IPPK: variants seen among roughly 807,000 people sequenced by gnomAD.
IPPK encodes IPK1 homolog.
IPPK carries 22 observed loss-of-function variants against 64.6 expected under a neutral mutation model. The observed-to-expected ratio is 0.34, with a 90% CI of 0.24 to 0.49. The LOEUF (loss-of-function observed/expected upper bound fraction) is 0.49. IPPK is among the 20% of genes least tolerant of loss of function. The pLI, the probability that IPPK is intolerant of heterozygous loss-of-function variation, is 0.99. For missense variants in IPPK, 532 were observed against 630.7 expected (o/e 0.84, Z 1.68); for synonymous variants, 262 against 247.2 (o/e 1.06, Z -0.56).
At position 92,634,505 on chromosome 9, in the gene IPPK, A is replaced by G; in HGVS notation, c.1068-17T>C. 6.3e-7 allele frequency: 1 copy of G among 1,583,394 alleles called. No individual in the cohort carries two copies. Among genetic ancestry groups the G allele is most frequent in the East Asian group, 2.2e-5 (1 of 44,738 alleles). ...AAGGTTTTTCTGAAGAAGAAAGCAC[A>G]ATAAAAACAGGATGACAAAGCCGCA... On this transcript the variant is annotated splice_polypyrimidine_tract_variant and intron_variant, in intron 10 of 12. Transcript: ENST00000287996.
chr9:92,669,759 G>A, intron 1 of IPPK, 149 bp downstream of exon 1: 1 of 617,904 alleles, frequency 1.6e-6, no homozygotes, highest in Non-Finnish European at 2.9e-6. Context: ...GGATGCTGGA[G>A]GGTGGGGGAA....
chr9:92,619,873 T>A (rs1030908036), intron 11 of IPPK: 4 of 395,984 alleles, frequency 1.0e-5, no homozygotes, highest in Admixed American at 7.0e-5. Flanking sequence ...GTCACCACAG[T>A]CGGCCTTTGG....
intron 1 of IPPK, among the ~76,000 whole-genome samples, chr9:92,668,267 CTAAA>C (rs1376476967): frequency 6.6e-6 from 1 of 152,052 alleles, no homozygotes; most frequent in African/African-American, 2.4e-5. Context: ...GACCCCGTTT[CTAAA>C]TAAATAAATA....
chr9:92,652,663 T>A, intron 3 of IPPK, 24 bp from the exon 4 acceptor site: 1 of 1,378,252 alleles, frequency 7.3e-7, no homozygotes, highest in Non-Finnish European at 1.0e-6. Context: ...CATGAAATTC[T>A]CAGTGTGAAT....
At chr9:92,619,089 G>A (rs1311091015) in intron 12 of IPPK, 1 of 224,692 alleles carries the variant, frequency 4.5e-6, no homozygotes, top group Non-Finnish European at 8.9e-6. Flanking sequence ...GTGGTAAAAA[G>A]GCAGGTGCGC....
intron 8 of IPPK, among the ~76,000 whole-genome samples, chr9:92,639,554 T>C (rs1852008229): frequency 1.3e-5 from 2 of 152,162 alleles, no homozygotes; most frequent in South Asian, 4.1e-4. Flanking sequence ...CTCAGGACTT[T>C]TCCAAGCTGA....
intron 1 of IPPK, among the ~76,000 whole-genome samples, chr9:92,663,136 A>G (rs530797364): frequency 1.3e-4 from 20 of 152,394 alleles, no homozygotes; most frequent in Non-Finnish European, 2.4e-4. Flanking sequence ...GTTGTTAACT[A>G]CCCAATAAAG....
intron 11 of IPPK, among the ~76,000 whole-genome samples, chr9:92,632,120 C>G (rs891235991): frequency 1.3e-5 from 2 of 152,184 alleles, no homozygotes; most frequent in Non-Finnish European, 2.9e-5. Flanking sequence ...CTGGAGGTCA[C>G]CGTGGAAAGA....
chr9:92,616,955 CGAG>C (rs1182095484), intron 12 of IPPK: 1 of 152,162 alleles, frequency 6.6e-6, no homozygotes, highest in Non-Finnish European at 1.5e-5. Context: ...AAGCTCCTGC[CGAG>C]GAGAGGAAAT....
chr9:92,631,193 A>AT (rs61202690), intron 11 of IPPK, among the ~76,000 whole-genome samples: 2,385 of 131,226 alleles, frequency 0.018, 26 homozygotes, highest in African/African-American at 0.032. Flanking sequence ...ACACAGTTCA[A>AT]TTTTTTTTTT....
rs979187232 is a variant in IPPK, at chr9:92,635,302, T to C, written c.923A>G (p.Asn308Ser). ...FSRSLRCQGK[N>S]TPERSGLPKG... ...CGGTAACCCCGAGCGCTCTGGGGTG[T>C]TTTTTCCTACCGAGAACATCAGGGG... Residue 308 changes from asparagine (N) to serine (S), a missense_variant, in exon 10 of 13, where the codon AAC becomes AGC. Asn to Ser is a conservative substitution (Grantham distance 46, BLOSUM62 1). Coordinates refer to ENST00000287996, the MANE Select transcript of IPPK (RefSeq NM_022755.6). The surrounding 1 kb of genome is among the most constrained non-coding windows in gnomAD (Gnocchi z 4.4). 2 of 1,605,674 alleles carry C rather than the reference T, an allele frequency of 1.2e-6. No individual in the cohort carries two copies. Among genetic ancestry groups the C allele is most frequent in the Non-Finnish European group, 1.7e-6 (2 of 1,177,166 alleles).
At chr9:92,632,783 A>G (rs1851868588) in intron 11 of IPPK, among the ~76,000 whole-genome samples, 1 of 152,148 alleles carries the variant, frequency 6.6e-6, no homozygotes, top group South Asian at 2.1e-4. Context: ...TTCTCCTCAA[A>G]ACAGACAGCT....
At chr9:92,639,770 AAT>A (rs746527922) in intron 8 of IPPK, among the ~76,000 whole-genome samples, 7 of 152,214 alleles carry the variant, frequency 4.6e-5, no homozygotes, top group Non-Finnish European at 7.3e-5. Context: ...CTGCCTGTGA[AAT>A]ATGTCTTCCT....
intron 1 of IPPK, among the ~76,000 whole-genome samples, chr9:92,663,530 T>C (rs537067845): frequency 7.9e-5 from 12 of 152,374 alleles, no homozygotes; most frequent in African/African-American, 2.6e-4. Context: ...TGGAGAAATA[T>C]TGGATGTTTT....
At chr9:92,618,157 A>T (rs1469707109) in intron 12 of IPPK, 2 of 446,674 alleles carry the variant, frequency 4.5e-6, no homozygotes, top group East Asian at 7.0e-5. Flanking sequence ...CCCACACGCC[A>T]TGTTCTCGGA....
intron 3 of IPPK, among the ~76,000 whole-genome samples, chr9:92,654,471 T>C (rs958968521): frequency 6.6e-6 from 1 of 151,940 alleles, no homozygotes; most frequent in Non-Finnish European, 1.5e-5. Flanking sequence ...CAGTGAGCCA[T>C]GATCGCACCA....
At chr9:92,667,995 C>A (rs778926987) in intron 1 of IPPK, among the ~76,000 whole-genome samples, 2 of 151,098 alleles carry the variant, frequency 1.3e-5, no homozygotes, top group East Asian at 2.0e-4. Flanking sequence ...ATCAACCTGG[C>A]GTGGTGGCTC....
Position 92,656,543 on chromosome 9 carries a change from T to C in IPPK, c.138A>G (p.Glu46=). 6.2e-7 allele frequency: 1 copy of C among 1,608,088 alleles called. No individual in the cohort carries two copies. The highest frequency in any genetic ancestry group is 8.5e-7 in the Non-Finnish European group (1 of 1,174,508). Residue 46 remains glutamate, a synonymous_variant, in exon 3 of 13, where the codon GAA becomes GAG. Transcript: ENST00000287996. ...KFPPNRKKTS[E]EIFQHLQNIV... Reference sequence around the variant, plus strand: ...TGTTCTGCAGGTGTTGAAATATCTCTTCCGAGGTCTGTAAGAGACAACCAC... The same window carrying C: ...TGTTCTGCAGGTGTTGAAATATCTCCTCCGAGGTCTGTAAGAGACAACCAC...
intron 7 of IPPK, among the ~76,000 whole-genome samples, chr9:92,641,141 C>G (rs948047100): frequency 2.0e-5 from 3 of 152,246 alleles, no homozygotes; most frequent in African/African-American, 7.2e-5. Flanking sequence ...TGCTATGCCT[C>G]CCTTGTTCCT....
Sources: gnomAD v4.1 joint callset for allele counts (sites outside exome capture counted in the v4.1 genomes callset) on GRCh38, gnomAD v4.1.1 for gene constraint, Gnocchi (gnomAD v3.1) non-coding constraint, MANE v1.5 for transcripts, NCBI Gene and HGNC (gene_info 2026-07-23, HGNC 2026-07-21) for gene names.